KRT20: variants seen among roughly 807,000 people sequenced by gnomAD.
KRT20 encodes keratin 20, also known as keratin, type I cytoskeletal 20.
A neutral mutation model predicts 43.0 loss-of-function variants in KRT20; 41 were observed. The observed-to-expected ratio is 0.95, with a 90% confidence interval of 0.74 to 1.24. The LOEUF is 1.24. Among genes scored for constraint, KRT20 ranks in the 50% most tolerant of loss-of-function variants. The probability of loss-of-function intolerance (pLI) is 0.00; values close to 1 mark genes in which losing one functional copy is unlikely to be tolerated. For missense variants in KRT20, 533 were observed against 521.2 expected (o/e 1.02, Z -0.22); for synonymous variants, 207 against 200.6 (o/e 1.03, Z -0.27).
chr17:40,884,327 G>T lies in KRT20; in HGVS notation c.390+469C>A, dbSNP rs184286561. Among the ~76,000 whole-genome samples the T allele has an allele frequency of 7.3e-4, 111 of 152,220 alleles. 1 individual carries two copies. The Middle Eastern group carries it at 0.034, about 47-fold the overall frequency. On this transcript the variant is annotated intron_variant, in intron 1 of 7. Coordinates refer to ENST00000167588, the MANE Select transcript of KRT20 (RefSeq NM_019010.3). ...CACTGTTTCCACCCAGAATCACTTT[G>T]CTATTTAAATCTGCAGTACAGTATT...
At chr17:40,883,454 C>G (rs1022632618) in intron 1 of KRT20, among the ~76,000 whole-genome samples, 1 of 152,196 alleles carries the variant, frequency 6.6e-6, no homozygotes, top group African/African-American at 2.4e-5. Context: ...TCTGTCCATC[C>G]CTGTATCCTC....
intron 6 of KRT20, 62 bp downstream of exon 6, chr17:40,878,083 G>T: frequency 7.5e-7 from 1 of 1,331,974 alleles, no homozygotes; most frequent in Non-Finnish European, 1.1e-6. Flanking sequence ...TGAGTGACAG[G>T]GACATTAAAA....
intron 2 of KRT20, 34 bp from the exon 3 acceptor site, chr17:40,880,804 C>A: frequency 7.0e-7 from 1 of 1,433,276 alleles, no homozygotes; most frequent in Non-Finnish European, 9.2e-7. Context: ...GATAACTGGT[C>A]CTTCTGAAGC....
Position 40,884,899 on chromosome 17 carries a change from G to C in KRT20, c.287C>G (p.Ser96Cys), listed in dbSNP as rs957614208. ...EKVRTLEQSNSKLEVQIKQWY... is the reference protein window; with the variant it reads ...EKVRTLEQSNCKLEVQIKQWY... ...CTGCTTGATTTGCACTTCAAGTTTG[G>C]AGTTGGACTGCTCCAGGGTCCGCAC... The change falls in exon 1 of 8, where the codon TCC (serine) becomes TGC (cysteine). Residue 96 changes from serine to cysteine, a missense_variant. By Grantham distance (112) the Ser-to-Cys change is moderately radical. Transcript: ENST00000167588. 1.2e-6 allele frequency: 2 copies of C among 1,614,208 alleles called. No individual in the cohort carries two copies. Among genetic ancestry groups the C allele is most frequent in the Non-Finnish European group, 1.7e-6 (2 of 1,180,036 alleles).
rs752346755 is a variant in KRT20, at chr17:40,885,229, G to A, written c.-44C>T. 2.4e-5 allele frequency: 37 copies of A among 1,527,058 alleles called. No individual in the cohort carries two copies. The highest frequency in any genetic ancestry group is 2.9e-5 in the Non-Finnish European group (33 of 1,140,600). 94.6% of individuals were successfully genotyped at this position (1,527,058 alleles called of 1,614,324 possible). A position where few individuals can be genotyped will look rare whatever the true frequency, so the allele number is the denominator to read the frequency against. ...GCACCTGTAGCTTCAGGATGGTTGG[G>A]GCAGAGTGTGTCTCATGGAGGGTGT... On this transcript the variant is annotated 5_prime_UTR_variant, in exon 1 of 8. Transcript: ENST00000167588.
At chr17:40,879,982 T>G (rs914876403) in intron 4 of KRT20, 44 bp from the exon 5 acceptor site, 1 of 1,601,172 alleles carries the variant, frequency 6.2e-7, no homozygotes, top group Non-Finnish European at 8.5e-7. Context: ...GGGGTGGAAA[T>G]AAGAAAGAAA....
chr17:40,878,082 G>A, intron 6 of KRT20, 63 bp downstream of exon 6: 1 of 1,327,730 alleles, frequency 7.5e-7, no homozygotes, highest in South Asian at 1.2e-5. Flanking sequence ...ATGAGTGACA[G>A]GGACATTAAA....
chr17:40,883,744 A>G (rs75392673), intron 1 of KRT20, among the ~76,000 whole-genome samples: 3,236 of 152,334 alleles, frequency 0.021, 56 homozygotes, highest in Non-Finnish European at 0.032. Flanking sequence ...GATGAACCAA[A>G]CTAGAGTCAG....
chr17:40,882,566 A>G lies in KRT20; in HGVS notation c.473+6T>C, dbSNP rs2143313157. 6.5e-7 allele frequency: 1 copy of G among 1,534,172 alleles called. No homozygotes were observed. Among genetic ancestry groups the G allele is most frequent in the East Asian group, 2.4e-5 (1 of 42,346 alleles). On this transcript the variant is annotated splice_donor_region_variant and intron_variant, in intron 2 of 7. Transcript: ENST00000167588. The stretch of plus-strand genomic sequence containing the variant: ...AGAAACTTTTGCCACGTATTAGGGA[A>G]CCTACTTCAGTCTGAAGTCCTCAGC...
Position 40,884,784 on chromosome 17 carries a change from A to G in KRT20, c.390+12T>C. ...TAAACACAGAGTAGGAAACACAAGC[A>G]TCATCTCTCACCTGACTTCGCAGCT... On this transcript the variant is annotated intron_variant, in intron 1 of 7. Transcript: ENST00000167588. 1 of 1,605,302 alleles carries G rather than the reference A, an allele frequency of 6.2e-7. No individual in the cohort carries two copies. Among genetic ancestry groups the G allele is most frequent in the Non-Finnish European group, 8.5e-7 (1 of 1,174,278 alleles).
intron 3 of KRT20, 131 bp from the exon 4 acceptor site, chr17:40,880,392 T>A: frequency 1.1e-6 from 1 of 940,584 alleles, no homozygotes; most frequent in Non-Finnish European, 1.5e-6. Flanking sequence ...AATAATAACT[T>A]GTGTTGGGCT....
intron 5 of KRT20, 56 bp downstream of exon 5, chr17:40,879,757 A>G: frequency 6.2e-7 from 1 of 1,600,288 alleles, no homozygotes; most frequent in Non-Finnish European, 8.5e-7. Context: ...AGTTCCTAAC[A>G]GAGGACCTTG....
intron 6 of KRT20, 24 bp downstream of exon 6, chr17:40,878,121 A>G: frequency 6.3e-7 from 1 of 1,578,462 alleles, no homozygotes; most frequent in Non-Finnish European, 8.7e-7. Context: ...ATTGACACCT[A>G]TTCCTTGATT....
intron 1 of KRT20, 88 bp from the exon 2 acceptor site, chr17:40,882,742 C>T: frequency 2.3e-6 from 1 of 440,368 alleles, no homozygotes; most frequent in Non-Finnish European, 3.3e-6. Context: ...CAGAATCTTG[C>T]TCTGTTGCCC....
In KRT20 at chr17:40,885,054, G is replaced by C. The variant is rs762474619; in HGVS notation, c.132C>G (p.Ile44Met). The change falls in exon 1 of 8, where the codon ATC (isoleucine) becomes ATG (methionine). Residue 44 changes from isoleucine (I) to methionine (M), a missense_variant. By Grantham distance (10) the Ile-to-Met change is conservative. Coordinates refer to ENST00000167588, the MANE Select transcript of KRT20 (RefSeq NM_019010.3). ...SVYGGAGGRG[I>M]RISNSRHTVN... is the part of the protein sequence containing the mutation. Reference sequence around the variant, plus strand: ...CCGTGTGTCTGGAGTTGGAGATGCGGATGCCCCGGCCTCCAGCACCCCCAT... The same window carrying C: ...CCGTGTGTCTGGAGTTGGAGATGCGCATGCCCCGGCCTCCAGCACCCCCAT... 2.5e-6 allele frequency: 4 copies of C among 1,614,012 alleles called. No homozygotes were observed. The highest frequency in any genetic ancestry group is 2.2e-5 in the South Asian group (2 of 91,094).
rs762292583 is a variant in KRT20 at position 40,879,927 on chromosome 17, C to T, written c.804G>A (p.Leu268=). 2 of 1,613,354 alleles carry T rather than the reference C, an allele frequency of 1.2e-6. No individual in the cohort carries two copies. The highest frequency in any genetic ancestry group is 2.2e-5 in the South Asian group (2 of 91,036). ...CAGTATTCACTGTGACCTGTTGCTG[C>T]AGAACTGCAGTCTACAGTGCCAAGA... is the stretch of plus-strand genomic sequence containing the variant. ...KEQFERQTAV[L]QQQVTVNTEE... is the part of the protein sequence containing the mutation. Residue 268 remains leucine, a synonymous_variant, in exon 5 of 8, where the codon CTG becomes CTA. Coordinates refer to ENST00000167588, the MANE Select transcript of KRT20 (RefSeq NM_019010.3).
intron 6 of KRT20, among the ~76,000 whole-genome samples, chr17:40,877,639 T>G (rs997913537): frequency 1.3e-5 from 2 of 152,168 alleles, no homozygotes; most frequent in Non-Finnish European, 2.9e-5. Context: ...GTTTAATATA[T>G]GCTAAGAAGT....
intron 1 of KRT20, among the ~76,000 whole-genome samples, chr17:40,883,523 T>C (rs1260483408): frequency 6.6e-6 from 1 of 152,266 alleles, no homozygotes; most frequent in Non-Finnish European, 1.5e-5. Flanking sequence ...GCCCAGCACC[T>C]AGTTAGTGTT....
chr17:40,885,235 G>C lies in KRT20; in HGVS notation c.-50C>G. ...GTAGCTTCAGGATGGTTGGGGCAGAGTGTGTCTCATGGAGGGTGTTGAGCT... is the reference window on the plus strand; with the variant it reads ...GTAGCTTCAGGATGGTTGGGGCAGACTGTGTCTCATGGAGGGTGTTGAGCT... On this transcript the variant is annotated 5_prime_UTR_variant, in exon 1 of 8. Coordinates refer to ENST00000167588, the MANE Select transcript of KRT20 (RefSeq NM_019010.3). 2 of 1,515,766 alleles carry C rather than the reference G, an allele frequency of 1.3e-6. No individual in the cohort carries two copies. Among genetic ancestry groups the C allele is most frequent in the South Asian group, 1.2e-5 (1 of 80,642 alleles). The allele number at this position is 1,515,766 out of a possible 1,614,324, so 93.9% of individuals were successfully genotyped here.
Sources: allele counts gnomAD v4.1 joint callset (sites outside exome capture counted in the v4.1 genomes callset), GRCh38; gene constraint gnomAD v4.1.1; transcripts MANE v1.5; gene names NCBI Gene and HGNC (gene_info 2026-07-23, HGNC 2026-07-21).